LIMA1: variants seen among roughly 807,000 people sequenced by gnomAD.
The protein encoded by LIMA1 is LIM domain and actin-binding protein 1.
A neutral mutation model predicts 62.6 loss-of-function variants in LIMA1; 52 were observed. The observed-to-expected ratio is 0.83, with a 90% CI of 0.67 to 1.05. The LOEUF is 1.05. LIMA1 is among the 50% of genes least tolerant of loss of function. The pLI is 0.00. For missense variants in LIMA1, 780 were observed against 902.2 expected (o/e 0.86, Z 1.74); for synonymous variants, 302 against 317.8 (o/e 0.95, Z 0.53).
rs71441354 is a variant in LIMA1, at chr12:50,280,144, A to ATTTTTTTTTTTTTTTTT, written c.-24+3259_-24+3275dup. On this transcript the variant is annotated intron_variant, in intron 1 of 10. Coordinates refer to ENST00000341247, the MANE Select transcript of LIMA1 (RefSeq NM_016357.5). The stretch of plus-strand genomic sequence containing the variant: ...AAGTTCTTAGTTTCAGGGTAGTAGT[A>ATTTTTTTTTTTTTTTTT]TTTTTTTTTTTTTTTTTTTTTTTTT... 1.5e-4 allele frequency among the ~76,000 whole-genome samples: 10 copies of ATTTTTTTTTTTTTTTTT among 68,268 alleles called. 2 individuals are homozygous for ATTTTTTTTTTTTTTTTT. Among genetic ancestry groups the ATTTTTTTTTTTTTTTTT allele is most frequent in the African/African-American group, 4.2e-4 (7 of 16,574 alleles). The allele number at this position is 68,268 out of a possible 152,430, so 44.8% of individuals were successfully genotyped here.
In LIMA1 at chr12:50,274,398, A is replaced by C. The variant is rs190025805; in HGVS notation, c.-24+9022T>G. 7.9e-4 allele frequency among the ~76,000 whole-genome samples: 121 copies of C among 152,304 alleles called. 2 individuals carry two copies. The highest frequency in any genetic ancestry group is 2.7e-3 in the African/African-American group (113 of 41,572). ...CGAGAGATGCAGACCATCCTGGCCA[A>C]CATGGTGAAATCCTGTCGCTACCAA... On this transcript the variant is annotated intron_variant, in intron 1 of 10. Transcript: ENST00000341247.
At chr12:50,205,048 A>C (rs1941126323) in intron 5 of LIMA1, among the ~76,000 whole-genome samples, 1 of 152,148 alleles carries the variant, frequency 6.6e-6, no homozygotes, top group Admixed American at 6.6e-5. Flanking sequence ...TCTTAGCATT[A>C]AAAGAACCTT....
At chr12:50,276,141 T>TACTCAAGG (rs1302252650) in intron 1 of LIMA1, among the ~76,000 whole-genome samples, 3 of 152,084 alleles carry the variant, frequency 2.0e-5, no homozygotes, top group African/African-American at 2.4e-5. Flanking sequence ...CTCTAAGGAT[T>TACTCAAGG]ACTCAAGGAC....
intron 6 of LIMA1, chr12:50,201,224 T>G: frequency 9.5e-7 from 1 of 1,047,274 alleles, no homozygotes; most frequent in Non-Finnish European, 1.1e-6. Flanking sequence ...AATGCAAAGC[T>G]TGTGAGTTTT....
chr12:50,214,298 T>G (rs1377660493), intron 4 of LIMA1, among the ~76,000 whole-genome samples: 1 of 152,218 alleles, frequency 6.6e-6, no homozygotes, highest in Non-Finnish European at 1.5e-5. Context: ...TGTGTACAAT[T>G]AACAATAACA....
In LIMA1 at chr12:50,246,599, C is replaced by T. The variant is rs140155025; in HGVS notation, c.119+2034G>A. Among the ~76,000 whole-genome samples, 215 of 152,278 alleles carry T rather than the reference C, an allele frequency of 1.4e-3. 3 individuals are homozygous for T. Among genetic ancestry groups the T allele is most frequent in the Admixed American group, 0.012 (185 of 15,272 alleles). ...CTAAAATACCGGTCTGATCATGTCA[C>T]TCTCCCCACATGAAAACCAATTGCG... On this transcript the variant is annotated intron_variant, in intron 2 of 10. Transcript: ENST00000341247.
chr12:50,256,908 G>A (rs1942004105), intron 1 of LIMA1, among the ~76,000 whole-genome samples: 1 of 152,208 alleles, frequency 6.6e-6, no homozygotes, highest in South Asian at 2.1e-4. Flanking sequence ...TCCCTTCACA[G>A]TGCATCATAT....
At chr12:50,181,707 T>C (rs1424463640) in intron 10 of LIMA1, among the ~76,000 whole-genome samples, 197 bp downstream of exon 10, 1 of 152,200 alleles carries the variant, frequency 6.6e-6, no homozygotes, top group Admixed American at 6.5e-5. Flanking sequence ...AATTAACATA[T>C]CAATACACCA....
intron 1 of LIMA1, chr12:50,256,259 A>G (rs1340780367): frequency 1.3e-5 from 2 of 152,016 alleles, no homozygotes; most frequent in Non-Finnish European, 2.9e-5. Flanking sequence ...CTGCTTCACA[A>G]ATTTGTGTGT....
chr12:50,208,992 C>CTTTTT (rs34753640), intron 4 of LIMA1, among the ~76,000 whole-genome samples: 4 of 136,280 alleles, frequency 2.9e-5, no homozygotes, highest in Non-Finnish European at 4.7e-5. Flanking sequence ...TTCTTTCTTT[C>CTTTTT]TTTTTTTTTT....
chr12:50,190,329 AATGTT>A (rs1940729099), intron 9 of LIMA1: 2 of 149,504 alleles, frequency 1.3e-5, no homozygotes, highest in Admixed American at 1.3e-4. Context: ...CTTAATATCT[AATGTT>A]ATACCCTTAG....
At chr12:50,263,910 T>C (rs1942108665) in intron 1 of LIMA1, among the ~76,000 whole-genome samples, 2 of 146,548 alleles carry the variant, frequency 1.4e-5, no homozygotes, top group Non-Finnish European at 3.0e-5. Flanking sequence ...TATGTATATA[T>C]ATATATATAC....
intron 4 of LIMA1, among the ~76,000 whole-genome samples, chr12:50,210,418 CAAAAAAAAAAA>C (rs769288381): frequency 1.1e-5 from 1 of 90,858 alleles, no homozygotes; most frequent in Non-Finnish European, 2.2e-5. Context: ...ACCCCATTTC[CAAAAAAAAAAA>C]AAAAAAGAAA....
chr12:50,195,548 T>C (rs1176199498), intron 8 of LIMA1: 2 of 293,602 alleles, frequency 6.8e-6, no homozygotes, highest in Middle Eastern at 9.7e-4. Flanking sequence ...AATTAGTTTA[T>C]ACAGCTTCAA....
chr12:50,222,922 G>GT (rs1325030046), intron 3 of LIMA1, among the ~76,000 whole-genome samples: 12 of 151,410 alleles, frequency 7.9e-5, no homozygotes, highest in East Asian at 1.9e-4. Flanking sequence ...ATTCTGCTGG[G>GT]TTTTTTTTTC....
chr12:50,176,279 T>C lies in LIMA1; in HGVS notation c.*785A>G, dbSNP rs2138359033. 1 of 152,238 alleles carries C rather than the reference T, an allele frequency of 6.6e-6. No individual in the cohort carries two copies. The highest frequency in any genetic ancestry group is 6.5e-5 in the Admixed American group (1 of 15,286). The allele number at this position is 152,238 out of a possible 1,614,324, so 9.4% of individuals were successfully genotyped here. On this transcript the variant is annotated 3_prime_UTR_variant, in exon 11 of 11. Transcript: ENST00000341247. ...GATCCCGAAGGTATTACTAAAATAT[T>C]GCAGCTTTCAGTAATTATGAGAAGC... is the stretch of plus-strand genomic sequence containing the variant.
At chr12:50,221,903 G>T (rs1941448044) in intron 4 of LIMA1, 118 bp downstream of exon 4, 3 of 784,976 alleles carry the variant, frequency 3.8e-6, no homozygotes, top group African/African-American at 1.7e-5. Context: ...TATCTAACTG[G>T]AATCAAAAGA....
intron 8 of LIMA1, among the ~76,000 whole-genome samples, chr12:50,194,327 C>T (rs1391988018): frequency 6.7e-6 from 1 of 149,580 alleles, no homozygotes; most frequent in Admixed American, 6.7e-5. Context: ...GTCGGAGTCT[C>T]GCTCTGTAGC....
chr12:50,182,088 T>C, intron 9 of LIMA1, 51 bp from the exon 10 acceptor site: 3 of 1,599,318 alleles, frequency 1.9e-6, no homozygotes, highest in Non-Finnish European at 2.6e-6. Flanking sequence ...GAGTTAGCAC[T>C]GTCTTGAGAT....
Sources: allele counts gnomAD v4.1 joint callset (sites outside exome capture counted in the v4.1 genomes callset), GRCh38; gene constraint gnomAD v4.1.1; transcripts MANE v1.5; gene names NCBI Gene and HGNC (gene_info 2026-07-23, HGNC 2026-07-21).